Variants in CLSTN1 observed in about 807,000 individuals in gnomAD.
CLSTN1 encodes calsyntenin 1.
A neutral mutation model predicts 108.3 loss-of-function variants in CLSTN1; 28 were observed. That is an observed-to-expected ratio of 0.26 (90% CI 0.19 to 0.35). The LOEUF (loss-of-function observed/expected upper bound fraction) is 0.35. CLSTN1 is among the 10% of genes least tolerant of loss of function. CLSTN1 has a pLI of 1.00. For missense variants in CLSTN1, 1,157 were observed against 1,302.6 expected, an observed-to-expected ratio of 0.89 and a Z score of 1.72; for synonymous variants, 524 against 534.9, an observed-to-expected ratio of 0.98 and a Z score of 0.28.
chr1:9,776,862 T>TCATCTATC (rs1652974948), intron 1 of CLSTN1, among the ~76,000 whole-genome samples: 1 of 140,020 alleles, frequency 7.1e-6, no homozygotes, highest in African/African-American at 3.0e-5. Context: ...CTATCAGCAT[T>TCATCTATC]TATCTATCTA....
rs139526981 is a variant in CLSTN1, at chr1:9,821,997, T to C, written c.91+1646A>G. 7.0e-4 allele frequency among the ~76,000 whole-genome samples: 107 copies of C among 152,298 alleles called. 1 individual carries two copies. The Middle Eastern group carries it at 0.027, about 39-fold the overall frequency. ...TATGCTGTTTAAGTAACCAAGGCAA[T>C]TAAATAATGACTAACAAATGTAGGT... is the stretch of plus-strand genomic sequence containing the variant. On this transcript the variant is annotated intron_variant, in intron 1 of 18. Transcript: ENST00000377298.
chr1:9,795,884 G>A (rs1284419691), intron 1 of CLSTN1, among the ~76,000 whole-genome samples: 8 of 150,636 alleles, frequency 5.3e-5, no homozygotes, highest in African/African-American at 1.9e-4. Flanking sequence ...GAGCCCAGGA[G>A]GCTGAGGCTG....
intron 1 of CLSTN1, among the ~76,000 whole-genome samples, chr1:9,800,599 A>G (rs927317053): frequency 1.3e-5 from 2 of 148,442 alleles, no homozygotes; most frequent in African/African-American, 2.5e-5. Flanking sequence ...GTGTGGTGGC[A>G]GGCGCCTGTA....
intron 7 of CLSTN1, 58 bp from the exon 8 acceptor site, chr1:9,744,701 A>G: frequency 1.3e-6 from 2 of 1,535,278 alleles, no homozygotes; most frequent in African/African-American, 2.7e-5. Context: ...CGCGCACCTC[A>G]AGCCCCCAGG....
At position 9,731,559 on chromosome 1, in the gene CLSTN1, G is replaced by A. The variant is rs145837393; in HGVS notation, c.2564-169C>T. ...AAGCTCGCCATGGGCCTCCAACCTGGCTCGGCCACGTCCTGCTCCATGGCT... is the reference window on the plus strand; with the variant it reads ...AAGCTCGCCATGGGCCTCCAACCTGACTCGGCCACGTCCTGCTCCATGGCT... On this transcript the variant is annotated intron_variant, in intron 17 of 18. Transcript: ENST00000377298. Among the ~76,000 whole-genome samples the A allele has an allele frequency of 1.1e-3, 164 of 152,354 alleles. No individual in the cohort carries two copies. The Middle Eastern group carries it at 0.014, about 13-fold the overall frequency.
chr1:9,770,872 T>A (rs147330108), intron 2 of CLSTN1, among the ~76,000 whole-genome samples: 8 of 152,144 alleles, frequency 5.3e-5, no homozygotes, highest in African/African-American at 1.9e-4. Flanking sequence ...CGGGCACCTG[T>A]AATCCCAGCT....
At chr1:9,765,308 C>G (rs1047141506) in intron 2 of CLSTN1, among the ~76,000 whole-genome samples, 3 of 152,082 alleles carry the variant, frequency 2.0e-5, no homozygotes, top group Non-Finnish European at 4.4e-5. Flanking sequence ...CGCTTGAACC[C>G]AGGAGGCGGA....
At position 9,734,220 on chromosome 1, in the gene CLSTN1, C is replaced by T. The variant is rs979963659; in HGVS notation, c.2111-78G>A. ...TGGCGGGGCACACTGGATGCCCTGC[C>T]GGCTCACCCCAAACCTACATGGCTC... On this transcript the variant is annotated intron_variant, in intron 14 of 18. Coordinates refer to ENST00000377298, the MANE Select transcript of CLSTN1 (RefSeq NM_001009566.3). The surrounding 1 kb of genome is among the most constrained non-coding windows in gnomAD (Gnocchi z 4.8). 71 of 1,426,920 alleles carry T rather than the reference C, an allele frequency of 5.0e-5. No homozygotes were observed. The highest frequency in any genetic ancestry group is 6.0e-5 in the Non-Finnish European group (62 of 1,029,778). The allele number at this position is 1,426,920 out of a possible 1,614,324, so 88.4% of individuals were successfully genotyped here.
Position 9,823,521 on chromosome 1 carries a change from G to A in CLSTN1, c.91+122C>T. 4 of 532,818 alleles carry A rather than the reference G, an allele frequency of 7.5e-6. No homozygotes were observed. Among genetic ancestry groups the A allele is most frequent in the Non-Finnish European group, 1.0e-5 (4 of 400,500 alleles). 33.0% of individuals were successfully genotyped at this position (532,818 alleles called of 1,614,324 possible). A position where few individuals can be genotyped will look rare whatever the true frequency, so the allele number is the denominator to read the frequency against. ...GACCCGACTCCCCGCATCCCGGCTC[G>A]AATCCCGGCATCCGGCCCTACTCCC... On this transcript the variant is annotated intron_variant, in intron 1 of 18. Transcript: ENST00000377298. The surrounding 1 kb of genome is among the most constrained non-coding windows in gnomAD (Gnocchi z 6.3).
chr1:9,778,864 A>T (rs1359563729), intron 1 of CLSTN1, among the ~76,000 whole-genome samples: 1 of 151,740 alleles, frequency 6.6e-6, no homozygotes, highest in African/African-American at 2.4e-5. Context: ...AAAAAAAAAA[A>T]TTACAAAAAT....
At chr1:9,788,845 G>A (rs1203409501) in intron 1 of CLSTN1, among the ~76,000 whole-genome samples, 9 of 146,164 alleles carry the variant, frequency 6.2e-5, no homozygotes, top group African/African-American at 2.0e-4. Context: ...TCCAAGCTGG[G>A]CGACAGAGCG....
chr1:9,778,541 G>A (rs541881376), intron 1 of CLSTN1, among the ~76,000 whole-genome samples: 12 of 152,096 alleles, frequency 7.9e-5, no homozygotes, highest in Non-Finnish European at 1.3e-4. Flanking sequence ...TAGAGACAAC[G>A]CACGAAACCA....
intron 11 of CLSTN1, among the ~76,000 whole-genome samples, chr1:9,736,380 C>T (rs902667911): frequency 2.0e-5 from 3 of 152,198 alleles, no homozygotes; most frequent in Non-Finnish European, 4.4e-5. Flanking sequence ...TCCTACGCCA[C>T]CAGCCTCTCC....
At chr1:9,765,611 T>C (rs1250860217) in intron 2 of CLSTN1, among the ~76,000 whole-genome samples, 1 of 151,404 alleles carries the variant, frequency 6.6e-6, no homozygotes, top group Admixed American at 6.6e-5. Flanking sequence ...CCAGGCGCCG[T>C]TGCTCCACCT....
intron 1 of CLSTN1, among the ~76,000 whole-genome samples, chr1:9,813,800 CTA>C (rs1439535495): frequency 6.6e-6 from 1 of 152,034 alleles, no homozygotes; most frequent in Non-Finnish European, 1.5e-5. Flanking sequence ...CTCAAAAGTA[CTA>C]TATAAGAAAC....
intron 2 of CLSTN1, among the ~76,000 whole-genome samples, chr1:9,770,820 C>G (rs1368874224): frequency 3.3e-5 from 5 of 152,062 alleles, no homozygotes; most frequent in Admixed American, 2.0e-4. Context: ...ACGGTGAAAC[C>G]CTGTTTCTAA....
chr1:9,787,242 T>C lies in CLSTN1; in HGVS notation c.92-13848A>G, dbSNP rs186395363. Among the ~76,000 whole-genome samples, 3 of 151,132 alleles carry C rather than the reference T, an allele frequency of 2.0e-5. No individual in the cohort carries two copies. In the Admixed American group the frequency reaches 2.0e-4, roughly 10 times the overall value. Reference sequence around the variant, plus strand: ...CCATCCGTCTTTCTCGAGGCCCAGGTAGTCTTCTAGGTACCAAGAAAATAA... The same window carrying C: ...CCATCCGTCTTTCTCGAGGCCCAGGCAGTCTTCTAGGTACCAAGAAAATAA... On this transcript the variant is annotated intron_variant, in intron 1 of 18. Coordinates refer to ENST00000377298, the MANE Select transcript of CLSTN1 (RefSeq NM_001009566.3).
At chr1:9,813,825 C>T (rs893594119) in intron 1 of CLSTN1, among the ~76,000 whole-genome samples, 4 of 151,962 alleles carry the variant, frequency 2.6e-5, no homozygotes, top group African/African-American at 2.4e-5. Context: ...GTTGGCTGGG[C>T]GCGGTGGCTC....
At chr1:9,733,945 C>T (rs763831411) in intron 15 of CLSTN1, 27 bp downstream of exon 15, 2 of 1,589,020 alleles carry the variant, frequency 1.3e-6, no homozygotes, top group South Asian at 2.3e-5. Context: ...GCCTGGCCCA[C>T]CTGCGTGGCT....
Sources: gnomAD v4.1 joint callset for allele counts (sites outside exome capture counted in the v4.1 genomes callset) on GRCh38, gnomAD v4.1.1 for gene constraint, Gnocchi (gnomAD v3.1) non-coding constraint, MANE v1.5 for transcripts, NCBI Gene and HGNC (gene_info 2026-07-23, HGNC 2026-07-21) for gene names.